The following ZNF804B variants were observed in gnomAD, a reference collection of about 807,000 sequenced individuals.
ZNF804B encodes zinc finger protein 804B.
A neutral mutation model predicts 101.4 loss-of-function variants in ZNF804B; 80 were observed. The ratio of observed to expected loss-of-function variants is 0.79; its 90% CI spans 0.66 to 0.95. The LOEUF (loss-of-function observed/expected upper bound fraction) is 0.95, where lower values mean the gene tolerates loss of function less well. ZNF804B is among the 40% of genes least tolerant of loss of function. The pLI, the probability that ZNF804B is intolerant of heterozygous loss-of-function variation, is 0.00. For missense variants in ZNF804B, 1,673 were observed against 1,561.9 expected (o/e 1.07, Z -1.20); for synonymous variants, 622 against 558.8 (o/e 1.11, Z -1.59).
chr7:88,815,445 A>C (rs2115744886), intron 1 of ZNF804B, among the ~76,000 whole-genome samples: 1 of 149,546 alleles, frequency 6.7e-6, no homozygotes, highest in East Asian at 2.0e-4. Flanking sequence ...TAGGATATGT[A>C]TATAACTATA....
intron 2 of ZNF804B, among the ~76,000 whole-genome samples, chr7:89,225,190 G>C (rs1480223823): frequency 6.6e-6 from 1 of 151,998 alleles, no homozygotes; most frequent in Non-Finnish European, 1.5e-5. Context: ...ACTATCAGTG[G>C]GGGTGTACCT....
At chr7:89,259,442 G>A (rs1195767629) in intron 2 of ZNF804B, among the ~76,000 whole-genome samples, 2 of 152,132 alleles carry the variant, frequency 1.3e-5, no homozygotes, top group African/African-American at 2.4e-5. Context: ...GTAATTTATT[G>A]TTTCAGACTT....
chr7:89,071,793 C>CACAT (rs1789545395), intron 1 of ZNF804B, among the ~76,000 whole-genome samples: 1 of 151,896 alleles, frequency 6.6e-6, no homozygotes, highest in African/African-American at 2.4e-5. Context: ...CACACACACA[C>CACAT]ACACACACAC....
chr7:89,217,844 T>C (rs1397951244), intron 1 of ZNF804B, among the ~76,000 whole-genome samples: 1 of 152,042 alleles, frequency 6.6e-6, no homozygotes, highest in Admixed American at 6.6e-5. Context: ...CAGAGGGCTA[T>C]GGAGGATATA....
chr7:89,286,587 A>G (rs1411533514), intron 2 of ZNF804B, among the ~76,000 whole-genome samples: 1 of 152,220 alleles, frequency 6.6e-6, no homozygotes, highest in Non-Finnish European at 1.5e-5. Flanking sequence ...GGGAAATTCA[A>G]TAGCTAACAG....
chr7:89,289,989 G>A (rs1770251359), intron 2 of ZNF804B, among the ~76,000 whole-genome samples: 1 of 152,194 alleles, frequency 6.6e-6, no homozygotes, highest in South Asian at 2.1e-4. Context: ...GAAGAGTAAA[G>A]AGGACTTTGT....
At chr7:88,872,683 T>C (rs1158232110) in intron 1 of ZNF804B, among the ~76,000 whole-genome samples, 3 of 150,394 alleles carry the variant, frequency 2.0e-5, no homozygotes, top group Non-Finnish European at 4.4e-5. Context: ...TGTGTTCTCA[T>C]TGTTCAATTC....
chr7:89,277,693 G>T (rs1472366961), intron 2 of ZNF804B, among the ~76,000 whole-genome samples: 1 of 151,222 alleles, frequency 6.6e-6, no homozygotes, highest in African/African-American at 2.4e-5. Context: ...CATTTTTTAT[G>T]GCTGCATAGT....
chr7:88,875,741 AC>A (rs1202481858), intron 1 of ZNF804B, among the ~76,000 whole-genome samples: 8 of 152,140 alleles, frequency 5.3e-5, no homozygotes, highest in Admixed American at 3.9e-4. Flanking sequence ...ACAAGGAGGA[AC>A]TGGTACCATT....
intron 2 of ZNF804B, among the ~76,000 whole-genome samples, chr7:89,255,391 GA>G (rs1789612484): frequency 6.6e-6 from 1 of 152,138 alleles, no homozygotes; most frequent in Non-Finnish European, 1.5e-5. Context: ...GATTAAAACA[GA>G]ACAGTGGTGA....
At chr7:89,001,832 G>T (rs1788295085) in intron 1 of ZNF804B, among the ~76,000 whole-genome samples, 1 of 151,592 alleles carries the variant, frequency 6.6e-6, no homozygotes, top group African/African-American at 2.4e-5. Flanking sequence ...AATTTGTAGG[G>T]TTTTTTGGGC....
intron 1 of ZNF804B, among the ~76,000 whole-genome samples, chr7:88,820,167 A>G (rs560811528): frequency 6.6e-6 from 1 of 152,346 alleles, no homozygotes. Context: ...AGGAGGGCAT[A>G]TAGATTCATA....
chr7:89,271,527 T>G (rs1202576829), intron 2 of ZNF804B, among the ~76,000 whole-genome samples: 4 of 151,820 alleles, frequency 2.6e-5, no homozygotes, highest in African/African-American at 9.7e-5. Context: ...TCTAAAATTC[T>G]TTTTTTTGTT....
At position 89,228,676 on chromosome 7, in the gene ZNF804B, C is replaced by G. The variant is rs536409011; in HGVS notation, c.249+10381C>G. On this transcript the variant is annotated intron_variant, in intron 2 of 3. Transcript: ENST00000333190. ...TAGACATAAAGATTCTTCATGTCCCCACCAGACTCAGGAGCCCAGCTGGCT... is the reference window on the plus strand; with the variant it reads ...TAGACATAAAGATTCTTCATGTCCCGACCAGACTCAGGAGCCCAGCTGGCT... Among the ~76,000 whole-genome samples the G allele has an allele frequency of 2.7e-3, 418 of 152,316 alleles. 4 individuals carry two copies. The highest frequency in any genetic ancestry group is 4.6e-3 in the Non-Finnish European group (310 of 68,024).
At chr7:88,854,398 T>TTTCTTTCTTTCTTC (rs1562812501) in intron 1 of ZNF804B, among the ~76,000 whole-genome samples, 6 of 134,880 alleles carry the variant, frequency 4.4e-5, no homozygotes, top group African/African-American at 1.5e-4. Context: ...TTTCTTTCTT[T>TTTCTTTCTTTCTTC]CTTTCTTTCT....
At chr7:89,030,128 C>G (rs1008115727) in intron 1 of ZNF804B, among the ~76,000 whole-genome samples, 1 of 151,978 alleles carries the variant, frequency 6.6e-6, no homozygotes, top group African/African-American at 2.4e-5. Context: ...GTGATCATAT[C>G]AGAAAAAAGC....
intron 1 of ZNF804B, among the ~76,000 whole-genome samples, chr7:89,090,391 AC>A: frequency 6.6e-6 from 1 of 152,180 alleles, no homozygotes; most frequent in East Asian, 1.9e-4. Context: ...AATAAGAGAG[AC>A]TTGGGATGTA....
rs187883275 is a variant in ZNF804B, at chr7:89,328,811, G to A, written c.380+1337G>A. On this transcript the variant is annotated intron_variant, in intron 3 of 3. Coordinates refer to ENST00000333190, the MANE Select transcript of ZNF804B (RefSeq NM_181646.5). ...AAGGGCACAACAGTAAATCTAAATA[G>A]TCTTAACAAATATAATTTTGGTTGT... Among the ~76,000 whole-genome samples, 579 of 151,954 alleles carry A rather than the reference G, an allele frequency of 3.8e-3. 5 individuals carry two copies. Among genetic ancestry groups the A allele is most frequent in the African/African-American group, 0.013 (539 of 41,524 alleles).
chr7:89,043,529 T>C (rs1701915691), intron 1 of ZNF804B, among the ~76,000 whole-genome samples: 1 of 152,204 alleles, frequency 6.6e-6, no homozygotes, highest in Non-Finnish European at 1.5e-5. Flanking sequence ...CCTGGAATAA[T>C]GTCATTGAGA....
Sources: gnomAD v4.1 joint callset for allele counts (sites outside exome capture counted in the v4.1 genomes callset) on GRCh38, gnomAD v4.1.1 for gene constraint, MANE v1.5 for transcripts, NCBI Gene and HGNC (gene_info 2026-07-23, HGNC 2026-07-21) for gene names.